ATP8A2: variants seen among roughly 807,000 people sequenced by gnomAD.
ATP8A2 encodes phospholipid-transporting ATPase IB.
Under a neutral mutation model 165.6 loss-of-function variants are expected in ATP8A2, and 100 were observed. That is an observed-to-expected ratio of 0.60 (90% CI 0.51 to 0.71). The LOEUF (loss-of-function observed/expected upper bound fraction) is 0.71. Among genes scored for constraint, ATP8A2 ranks in the 30% least tolerant of loss-of-function variants. The pLI is 0.00. For synonymous variants in ATP8A2, 543 were observed against 548.8 expected, an observed-to-expected ratio of 0.99 and a Z score of 0.15; for missense variants, 1,227 against 1,479.5, an observed-to-expected ratio of 0.83 and a Z score of 2.80.
intron 1 of ATP8A2, among the ~76,000 whole-genome samples, chr13:25,466,972 C>A (rs994245562): frequency 3.3e-5 from 5 of 152,232 alleles, no homozygotes; most frequent in Non-Finnish European, 7.3e-5. Flanking sequence ...AAAATATTCT[C>A]CATCTGTCTT....
At chr13:25,790,342 T>G (rs1290002105) in intron 27 of ATP8A2, among the ~76,000 whole-genome samples, 1 of 152,032 alleles carries the variant, frequency 6.6e-6, no homozygotes, top group Non-Finnish European at 1.5e-5. Flanking sequence ...AGGTCTAATA[T>G]CTAGCATCTA....
At chr13:25,405,086 T>G (rs2033758307) in intron 1 of ATP8A2, among the ~76,000 whole-genome samples, 1 of 152,124 alleles carries the variant, frequency 6.6e-6, no homozygotes, top group Non-Finnish European at 1.5e-5. Flanking sequence ...GCTGCCGGGC[T>G]GGTCAGATGA....
rs200085989 is a variant in ATP8A2, at chr13:25,676,066, GA to G, written c.2212-23098del. The stretch of plus-strand genomic sequence containing the variant: ...TGTAAAATATTGTATCTTAATAAAA[GA>G]AAAAAAAATGTATATGTATATTTTA... On this transcript the variant is annotated intron_variant, in intron 24 of 36. Transcript: ENST00000381655. 3.6e-3 allele frequency among the ~76,000 whole-genome samples: 537 copies of G among 150,740 alleles called. 2 individuals are homozygous for G. Among genetic ancestry groups the G allele is most frequent in the African/African-American group, 0.01 (423 of 41,098 alleles).
chr13:25,399,311 G>A (rs1593254544), intron 1 of ATP8A2, among the ~76,000 whole-genome samples: 2 of 151,806 alleles, frequency 1.3e-5, no homozygotes, highest in Admixed American at 1.3e-4. Flanking sequence ...AAATTCTCAG[G>A]GGATGCTGCT....
At chr13:25,786,475 C>A (rs1444369417) in intron 27 of ATP8A2, among the ~76,000 whole-genome samples, 1 of 152,132 alleles carries the variant, frequency 6.6e-6, no homozygotes, top group Non-Finnish European at 1.5e-5. Flanking sequence ...ATATTGTCCT[C>A]TTTTACCCAG....
intron 1 of ATP8A2, chr13:25,468,703 C>A: frequency 2.5e-6 from 1 of 404,846 alleles, no homozygotes; most frequent in Non-Finnish European, 3.3e-6. Flanking sequence ...AGCGCAGGAG[C>A]TGGGGGCGGC....
At chr13:25,373,906 G>A (rs990539604) in intron 1 of ATP8A2, among the ~76,000 whole-genome samples, 16 of 152,208 alleles carry the variant, frequency 1.1e-4, no homozygotes, top group African/African-American at 3.6e-4. Context: ...GCTGCTCAGA[G>A]TCTGGCTCTT....
intron 2 of ATP8A2, among the ~76,000 whole-genome samples, chr13:25,524,392 A>G (rs1341469764): frequency 2.6e-5 from 4 of 152,114 alleles, no homozygotes; most frequent in East Asian, 3.8e-4. Flanking sequence ...CTAGTATACA[A>G]TTTAACTCCA....
intron 27 of ATP8A2, among the ~76,000 whole-genome samples, chr13:25,817,336 A>G (rs1328950573): frequency 8.1e-6 from 1 of 122,786 alleles, no homozygotes; most frequent in Non-Finnish European, 1.7e-5. Context: ...TCTGGTCGGT[A>G]TTATGGTCTT....
chr13:26,001,414 A>T (rs1956629242), intron 35 of ATP8A2, among the ~76,000 whole-genome samples: 1 of 152,324 alleles, frequency 6.6e-6, no homozygotes, highest in East Asian at 1.9e-4. Context: ...TTGGTGAGTG[A>T]TGAGATAATT....
chr13:25,864,239 C>T (rs1952438697), intron 33 of ATP8A2, among the ~76,000 whole-genome samples: 1 of 152,028 alleles, frequency 6.6e-6, no homozygotes, highest in Non-Finnish European at 1.5e-5. Context: ...TAGAGAGTGA[C>T]AGCTGACAGG....
At chr13:25,849,841 C>T (rs888962452) in intron 30 of ATP8A2, among the ~76,000 whole-genome samples, 2 of 152,174 alleles carry the variant, frequency 1.3e-5, no homozygotes, top group Admixed American at 1.3e-4. Flanking sequence ...TCTAAGAGAG[C>T]ATCTGGGACT....
chr13:25,502,887 G>T (rs1326697004), intron 2 of ATP8A2, among the ~76,000 whole-genome samples: 1 of 152,190 alleles, frequency 6.6e-6, no homozygotes, highest in Non-Finnish European at 1.5e-5. Flanking sequence ...GGTGTTTCAT[G>T]GATGTTGTTT....
chr13:25,938,188 G>A (rs1954970704), intron 33 of ATP8A2, among the ~76,000 whole-genome samples: 1 of 150,346 alleles, frequency 6.7e-6, no homozygotes, highest in African/African-American at 2.5e-5. Context: ...AAAAAAAAAA[G>A]TTGAAGTACA....
chr13:25,492,126 G>C (rs1033844178), intron 2 of ATP8A2, among the ~76,000 whole-genome samples: 6 of 151,950 alleles, frequency 3.9e-5, no homozygotes, highest in African/African-American at 1.5e-4. Context: ...TTGTGATTTC[G>C]GCTCACTGCA....
intron 1 of ATP8A2, among the ~76,000 whole-genome samples, chr13:25,449,409 C>G (rs1299054243): frequency 1.3e-5 from 2 of 152,148 alleles, no homozygotes; most frequent in African/African-American, 4.8e-5. Flanking sequence ...GAGCTTTCTA[C>G]TATTGATTTG....
At chr13:25,422,269 T>C (rs1316318725) in intron 1 of ATP8A2, among the ~76,000 whole-genome samples, 3 of 152,212 alleles carry the variant, frequency 2.0e-5, no homozygotes, top group African/African-American at 4.8e-5. Flanking sequence ...CTTAGTAATA[T>C]ATTTTGGCAC....
chr13:25,701,721 AAAACACAC>A (rs1467754464), intron 25 of ATP8A2, among the ~76,000 whole-genome samples: 4 of 98,502 alleles, frequency 4.1e-5, no homozygotes, highest in African/African-American at 1.6e-4. Flanking sequence ...GCTTGATACT[AAAACACAC>A]ACACACACAC....
At chr13:25,477,453 C>A (rs1172697799) in intron 2 of ATP8A2, among the ~76,000 whole-genome samples, 3 of 152,112 alleles carry the variant, frequency 2.0e-5, no homozygotes, top group African/African-American at 7.3e-5. Flanking sequence ...GAATTGGATT[C>A]TGGAACAGAA....
Sources: allele counts gnomAD v4.1 joint callset (sites outside exome capture counted in the v4.1 genomes callset), GRCh38; gene constraint gnomAD v4.1.1; transcripts MANE v1.5; gene names NCBI Gene and HGNC (gene_info 2026-07-23, HGNC 2026-07-21).